The following PPARGC1A variants were observed in gnomAD, a reference collection of about 807,000 sequenced individuals.
The protein encoded by PPARGC1A is PPARG coactivator 1 alpha.
Under a neutral mutation model 88.7 loss-of-function variants are expected in PPARGC1A, and 25 were observed. The ratio of observed to expected loss-of-function variants is 0.28; its 90% CI spans 0.21 to 0.39. PPARGC1A has a LOEUF of 0.39. PPARGC1A is among the 10% of genes least tolerant of loss of function. The pLI is 1.00. For synonymous variants in PPARGC1A, 363 were observed against 355.6 expected, an observed-to-expected ratio of 1.02 and a Z score of -0.24; for missense variants, 880 against 968.7, an observed-to-expected ratio of 0.91 and a Z score of 1.22.
the PPARGC1A span, among the ~76,000 whole-genome samples, chr4:23,988,956 C>G: frequency 2.7e-5 from 4 of 146,032 alleles, no homozygotes; most frequent in Non-Finnish European, 6.0e-5. Flanking sequence ...AAAATATATA[C>G]TATATGTAAT....
the PPARGC1A span, among the ~76,000 whole-genome samples, chr4:24,214,212 T>G: frequency 6.6e-6 from 1 of 152,234 alleles, no homozygotes; most frequent in Non-Finnish European, 1.5e-5. Context: ...TCTGCTTCCC[T>G]GAGAACTGTT....
chr4:23,888,023 G>A (rs534153406), intron 1 of PPARGC1A, among the ~76,000 whole-genome samples: 14 of 152,310 alleles, frequency 9.2e-5, no homozygotes, highest in African/African-American at 3.4e-4. Flanking sequence ...GTACTACCCT[G>A]TCATTATGTG....
At chr4:24,001,238 T>G in the PPARGC1A span, among the ~76,000 whole-genome samples, 1 of 152,212 alleles carries the variant, frequency 6.6e-6, no homozygotes, top group African/African-American at 2.4e-5. Flanking sequence ...TTTTAATGAT[T>G]TTCTTTGTTA....
At chr4:23,984,047 A>G in the PPARGC1A span, among the ~76,000 whole-genome samples, 36 of 152,216 alleles carry the variant, frequency 2.4e-4, 1 homozygote, top group African/African-American at 8.4e-4. Context: ...CAATTTATGT[A>G]TGTGTATTTT....
At chr4:24,179,646 C>T in the PPARGC1A span, among the ~76,000 whole-genome samples, 1 of 152,164 alleles carries the variant, frequency 6.6e-6, no homozygotes, top group Non-Finnish European at 1.5e-5. Flanking sequence ...ACTGCAAAAG[C>T]ATGCATGAAC....
At chr4:24,338,828 G>A in the PPARGC1A span, among the ~76,000 whole-genome samples, 2 of 151,872 alleles carry the variant, frequency 1.3e-5, no homozygotes, top group Non-Finnish European at 2.9e-5. Context: ...AGGCCCCACT[G>A]GGATGTTAGC....
chr4:24,309,485 A>C, the PPARGC1A span, among the ~76,000 whole-genome samples: 1 of 152,178 alleles, frequency 6.6e-6, no homozygotes, highest in Non-Finnish European at 1.5e-5. Flanking sequence ...ACAAATGGCG[A>C]TGTGGACCAT....
chr4:24,453,497 T>G, the PPARGC1A span, among the ~76,000 whole-genome samples: 2 of 152,142 alleles, frequency 1.3e-5, no homozygotes, highest in Admixed American at 6.5e-5. Flanking sequence ...AAGTGGCCAC[T>G]AGGCTGGGTG....
At chr4:24,238,743 A>G in the PPARGC1A span, among the ~76,000 whole-genome samples, 64 of 118,644 alleles carry the variant, frequency 5.4e-4, 1 homozygote, top group East Asian at 5.1e-4. Flanking sequence ...CCAAGGTTGT[A>G]TATGTGTGTG....
chr4:24,246,742 C>T, the PPARGC1A span, among the ~76,000 whole-genome samples: 1 of 152,234 alleles, frequency 6.6e-6, no homozygotes, highest in African/African-American at 2.4e-5. Flanking sequence ...ACCACCACGT[C>T]ACCCACGGAA....
At chr4:23,923,293 G>A in the PPARGC1A span, among the ~76,000 whole-genome samples, 6 of 152,032 alleles carry the variant, frequency 3.9e-5, no homozygotes, top group Admixed American at 2.6e-4. Flanking sequence ...GTCAGCAGAG[G>A]TAACAGAAAC....
the PPARGC1A span, among the ~76,000 whole-genome samples, chr4:23,954,960 A>G: frequency 6.6e-6 from 1 of 152,072 alleles, no homozygotes; most frequent in Non-Finnish European, 1.5e-5. Flanking sequence ...ATCGCTGGGT[A>G]TCAGTATTTG....
At chr4:24,298,505 C>T in the PPARGC1A span, among the ~76,000 whole-genome samples, 2 of 152,148 alleles carry the variant, frequency 1.3e-5, no homozygotes, top group Non-Finnish European at 2.9e-5. Flanking sequence ...GGGCACCATT[C>T]TTGTCATTGA....
the PPARGC1A span, among the ~76,000 whole-genome samples, chr4:24,425,138 C>T: frequency 6.6e-6 from 1 of 152,094 alleles, no homozygotes; most frequent in Non-Finnish European, 1.5e-5. Flanking sequence ...TCCAGTTTGG[C>T]AAAGAATCAC....
chr4:23,951,943 G>A, the PPARGC1A span, among the ~76,000 whole-genome samples: 1 of 152,092 alleles, frequency 6.6e-6, no homozygotes, highest in Non-Finnish European at 1.5e-5. Flanking sequence ...GAAAGTGTCT[G>A]TAGATTGAAT....
the PPARGC1A span, among the ~76,000 whole-genome samples, chr4:24,317,682 C>T: frequency 7.1e-6 from 1 of 140,564 alleles, no homozygotes; most frequent in Non-Finnish European, 1.5e-5. Context: ...AGTTGTAGGG[C>T]TGGATTTTTT....
At chr4:24,001,015 A>C in the PPARGC1A span, among the ~76,000 whole-genome samples, 3 of 152,324 alleles carry the variant, frequency 2.0e-5, no homozygotes, top group East Asian at 3.9e-4. Flanking sequence ...TTTGACATAA[A>C]AATATACTGC....
chr4:23,888,058 A>T (rs1269374974), intron 1 of PPARGC1A, among the ~76,000 whole-genome samples: 2 of 152,216 alleles, frequency 1.3e-5, no homozygotes, highest in Non-Finnish European at 2.9e-5. Flanking sequence ...ACGTTTTAGG[A>T]TGACAGCAAA....
chr4:23,897,286 G>A (rs1257310348), intron 1 of PPARGC1A, among the ~76,000 whole-genome samples: 4 of 152,164 alleles, frequency 2.6e-5, no homozygotes, highest in Non-Finnish European at 5.9e-5. Context: ...GATTTAAGGT[G>A]AGTACTGGAG....
Sources: allele counts gnomAD v4.1 joint callset (sites outside exome capture counted in the v4.1 genomes callset), GRCh38; gene constraint gnomAD v4.1.1; transcripts MANE v1.5; gene names NCBI Gene and HGNC (gene_info 2026-07-23, HGNC 2026-07-21).